PRRG1: variants seen among roughly 807,000 people sequenced by gnomAD.
PRRG1 encodes transmembrane gamma-carboxyglutamic acid protein 1.
PRRG1 carries 5 observed loss-of-function variants against 11.8 expected under a neutral mutation model. That is an observed-to-expected ratio of 0.42 (90% CI 0.22 to 0.89). PRRG1 has a LOEUF of 0.89. Ranked by LOEUF, PRRG1 falls within the 40% of genes least tolerant of loss-of-function variation. The probability of loss-of-function intolerance (pLI) is 0.28; values close to 1 mark genes in which losing one functional copy is unlikely to be tolerated. For synonymous variants in PRRG1, 66 were observed against 60.4 expected (o/e 1.09, Z -0.43); for missense variants, 155 against 166.1 (o/e 0.93, Z 0.37).
At chrX:37,402,801 C>T (rs1932047751) in intron 1 of PRRG1, among the ~76,000 whole-genome samples, 1 of 110,953 alleles carries the variant, frequency 9.0e-6, no homozygotes, top group Admixed American at 9.6e-5. Flanking sequence ...AAAACAACCC[C>T]ATCAAAAAGT....
In PRRG1 at chrX:37,370,598, A is replaced by G. The variant is rs1284427798; in HGVS notation, c.-42+21203A>G. Among the ~76,000 whole-genome samples the G allele has an allele frequency of 3.6e-5, 4 of 111,026 alleles. No homozygotes were observed. The Admixed American group carries it at 3.8e-4, about 10-fold the overall frequency. ...CCCTACCCTCCTGGGTGCAGCTGCA[A>G]CTGCCCAAGTTGTGGCTGCAGACCC... On this transcript the variant is annotated intron_variant, in intron 1 of 3. Coordinates refer to ENST00000378628, the MANE Select transcript of PRRG1 (RefSeq NM_001142395.2).
chrX:37,409,917 C>CT (rs1932308023), intron 2 of PRRG1, among the ~76,000 whole-genome samples: 1 of 107,881 alleles, frequency 9.3e-6, no homozygotes, highest in African/African-American at 3.3e-5. Context: ...AGGTGAATTT[C>CT]TTTTAGCATT....
intron 1 of PRRG1, among the ~76,000 whole-genome samples, chrX:37,390,967 A>G (rs1450141179): frequency 8.9e-6 from 1 of 112,342 alleles, no homozygotes; most frequent in Non-Finnish European, 1.9e-5. Context: ...GATTCTGACC[A>G]TGTGCTTGCT....
At chrX:37,363,756 C>A (rs1301694004) in intron 1 of PRRG1, among the ~76,000 whole-genome samples, 3 of 111,581 alleles carry the variant, frequency 2.7e-5, no homozygotes, top group African/African-American at 9.8e-5. Context: ...TTACTTGTTT[C>A]ATCTTACTTG....
intron 1 of PRRG1, among the ~76,000 whole-genome samples, chrX:37,365,137 A>G (rs1193946335): frequency 8.9e-6 from 1 of 112,002 alleles, no homozygotes; most frequent in Non-Finnish European, 1.9e-5. Context: ...TGCGGGAATA[A>G]AGACAAAGAC....
chrX:37,371,510 A>AAGAAGGAGAGAAGAG (rs1930762024), intron 1 of PRRG1, among the ~76,000 whole-genome samples: 1 of 112,887 alleles, frequency 8.9e-6, no homozygotes, highest in African/African-American at 3.2e-5. Flanking sequence ...TGTAGGCAAC[A>AAGAAGGAGAGAAGAG]AGAAGGAGAG....
At chrX:37,439,092 A>G (rs1019336643) in intron 3 of PRRG1, among the ~76,000 whole-genome samples, 9 of 111,888 alleles carry the variant, frequency 8.0e-5, no homozygotes, top group Non-Finnish European at 1.7e-4. Context: ...CCATAGCCCT[A>G]TGTTGTTAGC....
At chrX:37,433,668 A>G (rs954545004) in intron 3 of PRRG1, among the ~76,000 whole-genome samples, 6 of 111,597 alleles carry the variant, frequency 5.4e-5, no homozygotes, top group African/African-American at 2.0e-4. Context: ...GGTCCCTAGC[A>G]TATAAAGCAG....
intron 1 of PRRG1, among the ~76,000 whole-genome samples, chrX:37,380,002 T>C (rs1004418812): frequency 1.8e-5 from 2 of 111,395 alleles, no homozygotes; most frequent in African/African-American, 6.5e-5. Context: ...GACAGAGTGA[T>C]TACATCCTCC....
intron 1 of PRRG1, among the ~76,000 whole-genome samples, chrX:37,371,798 T>C (rs1454074492): frequency 8.8e-6 from 1 of 113,091 alleles, no homozygotes; most frequent in East Asian, 2.8e-4. Flanking sequence ...GACCCTATAC[T>C]TGCTCACAAC....
chrX:37,367,827 A>G (rs1304885163), intron 1 of PRRG1, among the ~76,000 whole-genome samples: 3 of 112,505 alleles, frequency 2.7e-5, no homozygotes, highest in East Asian at 5.6e-4. Flanking sequence ...GTATTGTGCT[A>G]CTAGAGAGAA....
intron 1 of PRRG1, among the ~76,000 whole-genome samples, chrX:37,372,237 T>C (rs1201229393): frequency 8.9e-6 from 1 of 112,319 alleles, no homozygotes; most frequent in African/African-American, 3.2e-5. Context: ...TGAGCATTTT[T>C]TTATATACTT....
intron 1 of PRRG1, among the ~76,000 whole-genome samples, chrX:37,405,411 A>G (rs1428583346): frequency 8.9e-6 from 1 of 111,959 alleles, no homozygotes; most frequent in Non-Finnish European, 1.9e-5. Flanking sequence ...TATGTCTTAT[A>G]GCTTTACCTT....
intron 1 of PRRG1, among the ~76,000 whole-genome samples, chrX:37,379,388 G>A (rs190865774): frequency 1.6e-4 from 18 of 110,120 alleles, no homozygotes; most frequent in East Asian, 5.7e-4. Flanking sequence ...ATAATTATCG[G>A]CCAAGGAAGT....
chrX:37,390,193 A>G (rs782739337), intron 1 of PRRG1, among the ~76,000 whole-genome samples: 1 of 111,218 alleles, frequency 9.0e-6, no homozygotes, highest in East Asian at 2.8e-4. Flanking sequence ...TTTTATAAGG[A>G]TAGTAATCCC....
chrX:37,424,392 G>A (rs1436150915), intron 2 of PRRG1, among the ~76,000 whole-genome samples: 1 of 110,984 alleles, frequency 9.0e-6, no homozygotes, highest in Non-Finnish European at 1.9e-5. Flanking sequence ...CTGGGGTGGG[G>A]CCCAGCAGTC....
intron 3 of PRRG1, among the ~76,000 whole-genome samples, chrX:37,430,688 G>A (rs1330894073): frequency 2.7e-5 from 3 of 111,100 alleles, no homozygotes; most frequent in African/African-American, 9.8e-5. Flanking sequence ...ATACATTGAG[G>A]TCCCATGCAG....
Position 37,425,930 on chromosome X carries a change from A to G in PRRG1, c.101A>G (p.Glu34Gly). 1 of 1,207,608 alleles carries G rather than the reference A, an allele frequency of 8.3e-7. No homozygotes were observed. Among genetic ancestry groups the G allele is most frequent in the Non-Finnish European group, 1.1e-6 (1 of 893,420 alleles). The change falls in exon 3 of 4, where the codon GAG becomes GGG. Residue 34 changes from glutamate to glycine, a missense_variant. Physicochemically the swap from Glu to Gly is moderately conservative, Grantham distance 98 (BLOSUM62 -2). Transcript: ENST00000378628. ...GAAGAAATAAGACAGGGCAACATTG[A>G]GCGTGAGTGCAAAGAAGAATTCTGT... ...FFEEIRQGNI[E>G]RECKEEFCTF...
At chrX:37,352,733 G>C (rs183799307) in intron 1 of PRRG1, among the ~76,000 whole-genome samples, 1 of 111,413 alleles carries the variant, frequency 9.0e-6, no homozygotes, top group Non-Finnish European at 1.9e-5. Flanking sequence ...TTTTCTTTCC[G>C]AGCATTAGTT....
Sources: gnomAD v4.1 joint callset for allele counts (sites outside exome capture counted in the v4.1 genomes callset) on GRCh38, gnomAD v4.1.1 for gene constraint, MANE v1.5 for transcripts, NCBI Gene and HGNC (gene_info 2026-07-23, HGNC 2026-07-21) for gene names.